PRR16: variants seen among roughly 807,000 people sequenced by gnomAD.
PRR16 encodes the protein protein Largen.
In PRR16, 6 loss-of-function variants were observed where a neutral mutation model predicts 18.2. The observed-to-expected ratio is 0.33, with a 90% confidence interval of 0.18 to 0.65. The LOEUF (loss-of-function observed/expected upper bound fraction) is 0.65, where lower values mean the gene tolerates loss of function less well. Ranked by LOEUF, PRR16 falls within the 30% of genes least tolerant of loss-of-function variation. PRR16 has a pLI of 0.74. For missense variants in PRR16, 412 were observed against 376.6 expected, an observed-to-expected ratio of 1.09 and a Z score of -0.78; for synonymous variants, 151 against 147.8, an observed-to-expected ratio of 1.02 and a Z score of -0.16.
At chr5:120,766,202 A>G in the PRR16 span, among the ~76,000 whole-genome samples, 14 of 152,092 alleles carry the variant, frequency 9.2e-5, no homozygotes, top group East Asian at 9.7e-4. Flanking sequence ...ATTAATGCAA[A>G]TTTACACCTG....
the PRR16 span, among the ~76,000 whole-genome samples, chr5:120,777,439 T>C: frequency 6.6e-6 from 1 of 152,240 alleles, no homozygotes; most frequent in East Asian, 1.9e-4. Context: ...TTGGTATTTT[T>C]TAGCAATTTT....
chr5:120,749,507 C>T, the PRR16 span, among the ~76,000 whole-genome samples: 1 of 152,052 alleles, frequency 6.6e-6, no homozygotes, highest in Non-Finnish European at 1.5e-5. Flanking sequence ...CCAAGTGTTG[C>T]TATTCATAAC....
intron 1 of PRR16, among the ~76,000 whole-genome samples, chr5:120,678,451 T>C (rs917760472): frequency 6.6e-6 from 1 of 152,160 alleles, no homozygotes; most frequent in African/African-American, 2.4e-5. Context: ...ACTAGGCAAA[T>C]TCTTAGTGAA....
intron 1 of PRR16, among the ~76,000 whole-genome samples, chr5:120,605,335 G>A (rs1017600290): frequency 6.6e-6 from 1 of 152,088 alleles, no homozygotes; most frequent in African/African-American, 2.4e-5. Flanking sequence ...GCTTCAAATT[G>A]CATTATTAAA....
At chr5:120,699,567 G>T in the PRR16 span, among the ~76,000 whole-genome samples, 1 of 152,182 alleles carries the variant, frequency 6.6e-6, no homozygotes, top group Non-Finnish European at 1.5e-5. Flanking sequence ...TATGCATCAG[G>T]TATGAGGAAG....
At chr5:120,572,290 T>C (rs1434476036) in intron 1 of PRR16, among the ~76,000 whole-genome samples, 1 of 152,272 alleles carries the variant, frequency 6.6e-6, no homozygotes, top group African/African-American at 2.4e-5. Context: ...TAACTGGCCA[T>C]AGTACAAGGT....
chr5:120,593,575 A>G (rs1477862961), intron 1 of PRR16, among the ~76,000 whole-genome samples: 1 of 151,990 alleles, frequency 6.6e-6, no homozygotes, highest in East Asian at 1.9e-4. Context: ...TCAGATGTAC[A>G]AAAAAAGAGC....
chr5:120,737,788 C>T, the PRR16 span, among the ~76,000 whole-genome samples: 2 of 152,114 alleles, frequency 1.3e-5, no homozygotes, highest in East Asian at 3.9e-4. Context: ...CTGATTCAAT[C>T]ACCTCACTGG....
chr5:120,577,978 C>T (rs1753135863), intron 1 of PRR16, among the ~76,000 whole-genome samples: 1 of 151,692 alleles, frequency 6.6e-6, no homozygotes, highest in Non-Finnish European at 1.5e-5. Flanking sequence ...GGTATGCTAA[C>T]TTATGAGTGG....
At chr5:120,586,832 T>G (rs1218763734) in intron 1 of PRR16, among the ~76,000 whole-genome samples, 2 of 152,014 alleles carry the variant, frequency 1.3e-5, no homozygotes, top group African/African-American at 4.8e-5. Context: ...GTCCCACATC[T>G]CTCCTTTCAG....
intron 1 of PRR16, among the ~76,000 whole-genome samples, chr5:120,568,383 A>G (rs1200256481): frequency 1.3e-5 from 2 of 152,162 alleles, no homozygotes; most frequent in African/African-American, 2.4e-5. Context: ...ATGGAGCAAG[A>G]GATGAACTTA....
chr5:120,582,494 AT>A (rs199685784), intron 1 of PRR16, among the ~76,000 whole-genome samples: 1 of 151,148 alleles, frequency 6.6e-6, no homozygotes, highest in Non-Finnish European at 1.5e-5. Flanking sequence ...TTTTAAAAAA[AT>A]AGAATAAGGA....
chr5:120,541,925 T>C (rs1580705157), intron 1 of PRR16, among the ~76,000 whole-genome samples: 1 of 141,534 alleles, frequency 7.1e-6, no homozygotes, highest in South Asian at 2.2e-4. Context: ...TCCTTTCCTC[T>C]TTTTTTTTTT....
chr5:120,652,012 T>G (rs913919074), intron 1 of PRR16, among the ~76,000 whole-genome samples: 10 of 152,214 alleles, frequency 6.6e-5, no homozygotes, highest in African/African-American at 2.4e-4. Flanking sequence ...CATTGAGCAG[T>G]GGTTTGTAGT....
chr5:120,576,518 G>T (rs536035320), intron 1 of PRR16, among the ~76,000 whole-genome samples: 13 of 152,252 alleles, frequency 8.5e-5, no homozygotes, highest in Admixed American at 3.3e-4. Flanking sequence ...AAGATAACAG[G>T]TGTTGGTGAG....
chr5:120,709,383 A>G, the PRR16 span, among the ~76,000 whole-genome samples: 1 of 152,120 alleles, frequency 6.6e-6, no homozygotes, highest in African/African-American at 2.4e-5. Context: ...AGTTGTTCAT[A>G]TTTATGGGGT....
At chr5:120,536,504 CT>C (rs1238020544) in intron 1 of PRR16, among the ~76,000 whole-genome samples, 2 of 152,066 alleles carry the variant, frequency 1.3e-5, no homozygotes, top group African/African-American at 4.8e-5. Context: ...CCAAAAATGT[CT>C]CTTTTTTTTA....
At chr5:120,784,883 T>C in the PRR16 span, among the ~76,000 whole-genome samples, 103 of 152,288 alleles carry the variant, frequency 6.8e-4, no homozygotes, top group African/African-American at 2.3e-3. Context: ...GACAGGAATA[T>C]CCATGGCACC....
At chr5:120,671,036 C>G (rs1171040081) in intron 1 of PRR16, among the ~76,000 whole-genome samples, 1 of 152,132 alleles carries the variant, frequency 6.6e-6, no homozygotes, top group Non-Finnish European at 1.5e-5. Context: ...ACCTGCATCT[C>G]TTTCCCTTTC....
Sources: gnomAD v4.1 joint callset for allele counts (sites outside exome capture counted in the v4.1 genomes callset) on GRCh38, gnomAD v4.1.1 for gene constraint, MANE v1.5 for transcripts, NCBI Gene and HGNC (gene_info 2026-07-23, HGNC 2026-07-21) for gene names.